Variants in THSD7A observed in about 807,000 individuals in gnomAD.
The protein encoded by THSD7A is thrombospondin type 1 domain containing 7A.
In THSD7A, 96 loss-of-function variants were observed where a neutral mutation model predicts 231.3. The observed-to-expected ratio is 0.41, with a 90% CI of 0.35 to 0.49. THSD7A has a LOEUF of 0.49. Among genes scored for constraint, THSD7A ranks in the 20% least tolerant of loss-of-function variants. THSD7A has a pLI of 0.05. For missense variants in THSD7A, 2,290 were observed against 2,070.2 expected (o/e 1.11, Z -2.06); for synonymous variants, 940 against 743.3 (o/e 1.26, Z -4.30).
At chr7:11,621,379 C>A (rs1781305317) in intron 2 of THSD7A, among the ~76,000 whole-genome samples, 1 of 152,126 alleles carries the variant, frequency 6.6e-6, no homozygotes, top group African/African-American at 2.4e-5. Context: ...TTACTTTCTA[C>A]CTTTTGCTTT....
intron 13 of THSD7A, among the ~76,000 whole-genome samples, chr7:11,442,038 A>C (rs888326873): frequency 1.3e-5 from 2 of 152,046 alleles, no homozygotes; most frequent in African/African-American, 4.8e-5. Context: ...ACACCTTCCA[A>C]TATTTCATAC....
intron 4 of THSD7A, among the ~76,000 whole-genome samples, chr7:11,551,943 T>C (rs1347998331): frequency 6.6e-6 from 1 of 152,022 alleles, no homozygotes; most frequent in Non-Finnish European, 1.5e-5. Context: ...GGAATCAACC[T>C]AGATGCCCAT....
chr7:11,528,232 G>A (rs998446053), intron 6 of THSD7A, among the ~76,000 whole-genome samples: 2 of 152,104 alleles, frequency 1.3e-5, no homozygotes, highest in Non-Finnish European at 2.9e-5. Flanking sequence ...AAAGGCTCAA[G>A]TAATACCAAT....
At chr7:11,591,437 C>T (rs1780160685) in intron 3 of THSD7A, among the ~76,000 whole-genome samples, 1 of 152,038 alleles carries the variant, frequency 6.6e-6, no homozygotes, top group South Asian at 2.1e-4. Context: ...GCACAAAGAA[C>T]ATGACTCATG....
intron 1 of THSD7A, among the ~76,000 whole-genome samples, chr7:11,826,639 C>G (rs1362655323): frequency 6.6e-6 from 1 of 151,932 alleles, no homozygotes; most frequent in African/African-American, 2.4e-5. Context: ...TGGTGAAACC[C>G]AGTCTGTGCT....
intron 23 of THSD7A, 67 bp from the exon 24 acceptor site, chr7:11,382,683 G>A: frequency 8.6e-7 from 1 of 1,169,440 alleles, no homozygotes. Flanking sequence ...TGGGGATAGA[G>A]TATTAATAAC....
At chr7:11,738,892 C>T (rs534907798) in intron 1 of THSD7A, among the ~76,000 whole-genome samples, 8 of 152,130 alleles carry the variant, frequency 5.3e-5, no homozygotes, top group African/African-American at 1.9e-4. Flanking sequence ...GACTTCTGAC[C>T]TCCAAAGCTG....
At chr7:11,506,605 G>A (rs775476871) in intron 6 of THSD7A, among the ~76,000 whole-genome samples, 3 of 152,052 alleles carry the variant, frequency 2.0e-5, no homozygotes, top group Non-Finnish European at 2.9e-5. Flanking sequence ...CTTCTAAAAG[G>A]CCCTGTATGA....
rs559723799 is a variant in THSD7A at position 11,444,447 on chromosome 7, A to G, written c.3064+1614T>C. ...TGGATAAAGAAAATGTGGCACATAT[A>G]CATCATAAAATGGATGAAGCTGGAA... is the stretch of plus-strand genomic sequence containing the variant. On this transcript the variant is annotated intron_variant, in intron 13 of 27. Transcript: ENST00000423059. The surrounding 1 kb of genome is among the most constrained non-coding windows in gnomAD (Gnocchi z 4.2). 6.6e-6 allele frequency among the ~76,000 whole-genome samples: 1 copy of G among 152,084 alleles called. No individual in the cohort carries two copies. Among genetic ancestry groups the G allele is most frequent in the African/African-American group, 2.4e-5 (1 of 41,554 alleles).
intron 4 of THSD7A, among the ~76,000 whole-genome samples, chr7:11,561,690 C>CA (rs1300329137): frequency 6.6e-6 from 1 of 152,002 alleles, no homozygotes; most frequent in Non-Finnish European, 1.5e-5. Flanking sequence ...GGCCAAATGG[C>CA]AAAACCCCAA....
chr7:11,626,543 C>A (rs772030057), intron 2 of THSD7A, among the ~76,000 whole-genome samples: 34 of 152,106 alleles, frequency 2.2e-4, no homozygotes, highest in Non-Finnish European at 3.1e-4. Flanking sequence ...CTGGTGGTCA[C>A]TTTAATATTT....
At chr7:11,655,801 A>C (rs1216220809) in intron 1 of THSD7A, among the ~76,000 whole-genome samples, 1 of 151,910 alleles carries the variant, frequency 6.6e-6, no homozygotes, top group African/African-American at 2.4e-5. Flanking sequence ...CATTCTATTG[A>C]GGTTCACAAT....
intron 1 of THSD7A, among the ~76,000 whole-genome samples, chr7:11,682,790 AC>A (rs1020093010): frequency 6.6e-6 from 1 of 151,978 alleles, no homozygotes; most frequent in African/African-American, 2.4e-5. Context: ...TCCACTCACA[AC>A]CACAGAATAT....
intron 2 of THSD7A, among the ~76,000 whole-genome samples, chr7:11,629,772 T>C (rs946198249): frequency 4.6e-5 from 7 of 152,216 alleles, no homozygotes; most frequent in African/African-American, 1.4e-4. Flanking sequence ...GTAGGCCATG[T>C]TGAAAATTAA....
chr7:11,394,299 G>A lies in THSD7A; in HGVS notation c.4411+7496C>T, dbSNP rs112348941. ...CAAAGGAGAAATAAAATTCTTTACA[G>A]ACAAGCAAGTGCTGAGAGATTTTGT... On this transcript the variant is annotated intron_variant, in intron 23 of 27. Coordinates refer to ENST00000423059, the MANE Select transcript of THSD7A (RefSeq NM_015204.3). Among the ~76,000 whole-genome samples, 1,200 of 152,262 alleles carry A rather than the reference G, an allele frequency of 7.9e-3. 8 individuals carry two copies. The highest frequency in any genetic ancestry group is 9.2e-3 in the Non-Finnish European group (629 of 68,024).
At chr7:11,490,810 G>A (rs1562652879) in intron 6 of THSD7A, among the ~76,000 whole-genome samples, 1 of 151,944 alleles carries the variant, frequency 6.6e-6, no homozygotes, top group Non-Finnish European at 1.5e-5. Flanking sequence ...ATGTGCCCTT[G>A]AGCAGATAAT....
chr7:11,652,240 GA>G (rs909869975), intron 1 of THSD7A, among the ~76,000 whole-genome samples: 1 of 150,208 alleles, frequency 6.7e-6, no homozygotes, highest in Non-Finnish European at 1.5e-5. Context: ...TCAGGCTGAA[GA>G]AAAAAAAAGA....
intron 23 of THSD7A, among the ~76,000 whole-genome samples, chr7:11,393,775 G>A (rs558651504): frequency 3.9e-5 from 6 of 152,154 alleles, no homozygotes; most frequent in Non-Finnish European, 8.8e-5. Context: ...AGAGATTGAA[G>A]ATCAACTTAA....
chr7:11,602,585 C>T (rs151263146), intron 2 of THSD7A, among the ~76,000 whole-genome samples: 6 of 151,604 alleles, frequency 4.0e-5, no homozygotes, highest in African/African-American at 9.7e-5. Flanking sequence ...TTTTTTTGTT[C>T]GCTTATTGGT....
Sources: allele counts gnomAD v4.1 joint callset (sites outside exome capture counted in the v4.1 genomes callset), GRCh38; gene constraint gnomAD v4.1.1; non-coding constraint Gnocchi (gnomAD v3.1); transcripts MANE v1.5; gene names NCBI Gene and HGNC (gene_info 2026-07-23, HGNC 2026-07-21).